Variants in MAML2 observed in about 807,000 individuals in gnomAD.
MAML2 encodes the protein mastermind-like protein 2.
A neutral mutation model predicts 96.1 loss-of-function variants in MAML2; 22 were observed. The ratio of observed to expected loss-of-function variants is 0.23; its 90% CI spans 0.16 to 0.33. The LOEUF (loss-of-function observed/expected upper bound fraction) is 0.33, where lower values mean the gene tolerates loss of function less well. MAML2 is among the 10% of genes least tolerant of loss of function. The probability of loss-of-function intolerance (pLI) is 1.00; values close to 1 mark genes in which losing one functional copy is unlikely to be tolerated. For missense variants in MAML2, 1,367 were observed against 1,392.4 expected (o/e 0.98, Z 0.29); for synonymous variants, 561 against 521.3 (o/e 1.08, Z -1.04).
At chr11:96,098,445 TAA>T (rs1486576104) in intron 1 of MAML2, among the ~76,000 whole-genome samples, 1 of 152,234 alleles carries the variant, frequency 6.6e-6, no homozygotes, top group Non-Finnish European at 1.5e-5. Flanking sequence ...TTTTGCATGA[TAA>T]ATCTGTGCCC....
At chr11:96,053,737 A>AT (rs911664211) in intron 2 of MAML2, among the ~76,000 whole-genome samples, 1 of 152,206 alleles carries the variant, frequency 6.6e-6, no homozygotes, top group African/African-American at 2.4e-5. Flanking sequence ...GACTCCATTT[A>AT]TAAACTAAGA....
rs537160927 is a variant in MAML2, at chr11:96,218,804, T to A, written c.513+122579A>T. Among the ~76,000 whole-genome samples the A allele has an allele frequency of 4.6e-5, 7 of 152,356 alleles. No homozygotes were observed. The South Asian group carries it at 1.2e-3, about 27-fold the overall frequency. On this transcript the variant is annotated intron_variant, in intron 1 of 4. Coordinates refer to ENST00000524717, the MANE Select transcript of MAML2 (RefSeq NM_032427.4). ...TTCAGATAAATAACAAATAAGTTTTTAAAAGTTATAAGTATGTCCCATGGA... is the reference window on the plus strand; with the variant it reads ...TTCAGATAAATAACAAATAAGTTTTAAAAAGTTATAAGTATGTCCCATGGA...
intron 1 of MAML2, among the ~76,000 whole-genome samples, chr11:96,234,477 A>G (rs1862339827): frequency 6.6e-6 from 1 of 152,150 alleles, no homozygotes; most frequent in Non-Finnish European, 1.5e-5. Context: ...GCAAAACTCC[A>G]TCTCAAAAAA....
chr11:96,013,106 AAG>A (rs1426648195), intron 2 of MAML2, among the ~76,000 whole-genome samples: 4 of 152,348 alleles, frequency 2.6e-5, no homozygotes, highest in Non-Finnish European at 4.4e-5. Flanking sequence ...CTCAGGTGAA[AAG>A]AGAGAGTTAT....
At chr11:96,054,069 G>A (rs899004677) in intron 2 of MAML2, among the ~76,000 whole-genome samples, 1 of 152,112 alleles carries the variant, frequency 6.6e-6, no homozygotes, top group African/African-American at 2.4e-5. Context: ...TACTATGCAT[G>A]GGTCCCTTGC....
chr11:96,013,431 TG>T (rs1405928549), intron 2 of MAML2, among the ~76,000 whole-genome samples: 1 of 152,094 alleles, frequency 6.6e-6, no homozygotes, highest in Non-Finnish European at 1.5e-5. Flanking sequence ...GGGAAGAGTG[TG>T]GTCCCTTTAA....
intron 1 of MAML2, among the ~76,000 whole-genome samples, chr11:96,182,664 G>A (rs1190447763): frequency 4.6e-5 from 7 of 152,102 alleles, no homozygotes; most frequent in African/African-American, 1.7e-4. Context: ...CTGTTTTATA[G>A]ATGAGAAAGT....
intron 1 of MAML2, among the ~76,000 whole-genome samples, chr11:96,193,727 T>C (rs1386724053): frequency 6.6e-6 from 1 of 152,214 alleles, no homozygotes; most frequent in Admixed American, 6.5e-5. Flanking sequence ...TTTTCTTTAG[T>C]TTTTATCCTT....
At chr11:96,279,892 T>G (rs946065247) in intron 1 of MAML2, among the ~76,000 whole-genome samples, 3 of 152,188 alleles carry the variant, frequency 2.0e-5, no homozygotes, top group Non-Finnish European at 2.9e-5. Flanking sequence ...TTTCTGCATC[T>G]CAAAAAGAAG....
intron 2 of MAML2, among the ~76,000 whole-genome samples, chr11:96,045,918 T>TTC (rs1555001105): frequency 3.3e-5 from 5 of 150,560 alleles, no homozygotes; most frequent in South Asian, 2.1e-4. Flanking sequence ...TTTTTTTTTT[T>TTC]CCCCCATTCC....
At chr11:96,271,176 T>A (rs1206498233) in intron 1 of MAML2, among the ~76,000 whole-genome samples, 1 of 152,214 alleles carries the variant, frequency 6.6e-6, no homozygotes, top group East Asian at 1.9e-4. Context: ...TCCTTGCTCC[T>A]CAGCTTGTAG....
chr11:96,264,855 G>T (rs1420136217), intron 1 of MAML2, among the ~76,000 whole-genome samples: 1 of 152,120 alleles, frequency 6.6e-6, no homozygotes, highest in Non-Finnish European at 1.5e-5. Flanking sequence ...TCGGCATAGG[G>T]TACTTATTTA....
intron 2 of MAML2, among the ~76,000 whole-genome samples, chr11:96,039,963 CAAAAAAAAA>C (rs67545681): frequency 9.6e-6 from 1 of 104,578 alleles, no homozygotes; most frequent in Non-Finnish European, 2.1e-5. Flanking sequence ...GACTCTGTCT[CAAAAAAAAA>C]AAAAAAAAAA....
At chr11:96,142,652 A>G (rs1302512962) in intron 1 of MAML2, among the ~76,000 whole-genome samples, 1 of 152,210 alleles carries the variant, frequency 6.6e-6, no homozygotes, top group Non-Finnish European at 1.5e-5. Context: ...AGTATTGCCA[A>G]TGCCAAAGAA....
chr11:96,104,981 T>C (rs77699164), intron 1 of MAML2, among the ~76,000 whole-genome samples: 3,080 of 152,344 alleles, frequency 0.02, 105 homozygotes, highest in African/African-American at 0.069. Context: ...TTTTCTTTTT[T>C]GCTTGAGATA....
intron 2 of MAML2, among the ~76,000 whole-genome samples, chr11:96,019,995 T>C (rs1488525299): frequency 6.6e-6 from 1 of 152,196 alleles, no homozygotes; most frequent in Non-Finnish European, 1.5e-5. Context: ...AAGTGCTGTT[T>C]AAAGAGGCTG....
At chr11:96,071,407 G>C (rs943906841) in intron 2 of MAML2, among the ~76,000 whole-genome samples, 1 of 152,254 alleles carries the variant, frequency 6.6e-6, no homozygotes, top group African/African-American at 2.4e-5. Flanking sequence ...GAATTATTTT[G>C]AAATCCACAG....
intron 1 of MAML2, among the ~76,000 whole-genome samples, chr11:96,135,862 CAAA>C (rs10533557): frequency 0.6 from 84,205 of 140,960 alleles, 24,835 homozygotes; most frequent in East Asian, 0.92. Context: ...GACACCATCT[CAAA>C]AAAAAAAAAA....
intron 1 of MAML2, among the ~76,000 whole-genome samples, chr11:96,296,574 T>A (rs899262539): frequency 1.3e-5 from 2 of 151,816 alleles, no homozygotes; most frequent in Non-Finnish European, 2.9e-5. Flanking sequence ...ACCTGGGAGG[T>A]GGAGATCGCA....
Sources: gnomAD v4.1 joint callset for allele counts (sites outside exome capture counted in the v4.1 genomes callset) on GRCh38, gnomAD v4.1.1 for gene constraint, MANE v1.5 for transcripts, NCBI Gene and HGNC (gene_info 2026-07-23, HGNC 2026-07-21) for gene names.